Variants in MAP4K3 observed in about 807,000 individuals in gnomAD.
MAP4K3 encodes the protein MAPK/ERK kinase kinase kinase 3.
MAP4K3 carries 94 observed loss-of-function variants against 143.5 expected under a neutral mutation model. That is an observed-to-expected ratio of 0.65 (90% CI 0.55 to 0.78). The LOEUF (loss-of-function observed/expected upper bound fraction) is 0.78, where lower values mean the gene tolerates loss of function less well. Ranked by LOEUF, MAP4K3 falls within the 30% of genes least tolerant of loss-of-function variation. The pLI, the probability that MAP4K3 is intolerant of heterozygous loss-of-function variation, is 0.00. For missense variants in MAP4K3, 1,077 were observed against 1,068.1 expected, an observed-to-expected ratio of 1.01 and a Z score of -0.12; for synonymous variants, 416 against 347.2, an observed-to-expected ratio of 1.20 and a Z score of -2.20.
rs1346657032 is a variant in MAP4K3, at chr2:39,371,802, C to CCT, written c.154+6262_154+6263dup. Among the ~76,000 whole-genome samples, 23 of 151,054 alleles carry CCT rather than the reference C, an allele frequency of 1.5e-4. No individual in the cohort carries two copies. The East Asian group carries it at 2.1e-3, about 14-fold the overall frequency. On this transcript the variant is annotated intron_variant, in intron 2 of 33. Coordinates refer to ENST00000263881, the MANE Select transcript of MAP4K3 (RefSeq NM_003618.4). ...GCTAAGAAGGTCACTACATATATATCCTCTCTCTCTATATATATATATGTA... is the reference window on the plus strand; with the variant it reads ...GCTAAGAAGGTCACTACATATATATCCTCTCTCTCTCTATATATATATATGTA...
At chr2:39,339,157 G>C (rs1258137532) in intron 4 of MAP4K3, among the ~76,000 whole-genome samples, 1 of 152,108 alleles carries the variant, frequency 6.6e-6, no homozygotes, top group African/African-American at 2.4e-5. Context: ...GTTTAGTTTG[G>C]AGTACTTGTG....
chr2:39,386,042 A>AC (rs1418930042), intron 1 of MAP4K3, among the ~76,000 whole-genome samples: 1 of 152,156 alleles, frequency 6.6e-6, no homozygotes, highest in Non-Finnish European at 1.5e-5. Flanking sequence ...TGAAGTCCCA[A>AC]CCCCCAGCAC....
chr2:39,299,886 T>TA (rs1437118051), intron 15 of MAP4K3, 85 bp from the exon 16 acceptor site: 1 of 505,514 alleles, frequency 2.0e-6, no homozygotes, highest in Non-Finnish European at 3.3e-6. Context: ...ATATTATTTT[T>TA]AAAAGATAAG....
chr2:39,383,140 G>A (rs1204154685), intron 1 of MAP4K3, among the ~76,000 whole-genome samples: 1 of 152,174 alleles, frequency 6.6e-6, no homozygotes, highest in African/African-American at 2.4e-5. Flanking sequence ...ATTAGACTAG[G>A]TGTATTAGTT....
chr2:39,376,588 C>T (rs1666224905), intron 2 of MAP4K3, among the ~76,000 whole-genome samples: 1 of 152,020 alleles, frequency 6.6e-6, no homozygotes, highest in African/African-American at 2.4e-5. Context: ...AAGCTCAGTG[C>T]TGGGGGCACA....
chr2:39,419,460 T>C (rs1245637142), intron 1 of MAP4K3, among the ~76,000 whole-genome samples: 1 of 152,176 alleles, frequency 6.6e-6, no homozygotes, highest in African/African-American at 2.4e-5. Flanking sequence ...AAATATTGCA[T>C]CATAGCGCGA....
chr2:39,425,424 T>A (rs762352206), intron 1 of MAP4K3, among the ~76,000 whole-genome samples: 3 of 152,170 alleles, frequency 2.0e-5, no homozygotes, highest in Non-Finnish European at 4.4e-5. Context: ...AAAATCCACA[T>A]GTTGAAGACC....
At chr2:39,429,445 C>G (rs1276432620) in intron 1 of MAP4K3, among the ~76,000 whole-genome samples, 1 of 152,120 alleles carries the variant, frequency 6.6e-6, no homozygotes, top group Non-Finnish European at 1.5e-5. Context: ...TATAAAATAT[C>G]ACAAAATTAT....
chr2:39,272,498 G>C lies in MAP4K3; in HGVS notation c.1839C>G (p.Cys613Trp). ...TATACTTACCAGATATTGATAGCAA[G>C]CAATTGTTCATTACATACAACCATG... Reference protein sequence around the residue: ...RCTWLYVMNNCLLSISGKASQ... With the variant: ...RCTWLYVMNNWLLSISGKASQ... The change falls in exon 25 of 34, where the codon TGC becomes TGG. Residue 613 changes from cysteine to tryptophan, a missense_variant. This residue lies in a region of MAP4K3 where 864 missense variants were observed against 801.2 expected (regional missense o/e 1.08). Transcript: ENST00000263881. 3 of 1,613,092 alleles carry C rather than the reference G, an allele frequency of 1.9e-6. No homozygotes were observed. Among genetic ancestry groups the C allele is most frequent in the Non-Finnish European group, 1.7e-6 (2 of 1,179,366 alleles).
At chr2:39,338,212 A>G (rs913527873) in intron 4 of MAP4K3, among the ~76,000 whole-genome samples, 4 of 152,198 alleles carry the variant, frequency 2.6e-5, no homozygotes, top group South Asian at 4.1e-4. Flanking sequence ...TCTCATTTTT[A>G]TATCTCATTC....
chr2:39,359,323 C>T (rs1402912093), intron 2 of MAP4K3, among the ~76,000 whole-genome samples: 1 of 152,196 alleles, frequency 6.6e-6, no homozygotes, highest in Non-Finnish European at 1.5e-5. Flanking sequence ...CTCCATGTCT[C>T]ACATCCAGGT....
chr2:39,260,755 C>T lies in MAP4K3; in HGVS notation c.2159G>A (p.Cys720Tyr). ...LIKHIDFPIPCPLRMFEMLVV... is the reference protein window; with the variant it reads ...LIKHIDFPIPYPLRMFEMLVV... ...CAGCATTTCAAACATTCTAAGTGGACATGGTATAGGAAAATCTATGTGCTA... is the reference window on the plus strand; with the variant it reads ...CAGCATTTCAAACATTCTAAGTGGATATGGTATAGGAAAATCTATGTGCTA... The change falls in exon 29 of 34, where the codon TGT (cysteine) becomes TAT (tyrosine). Residue 720 changes from cysteine (C) to tyrosine (Y), a missense_variant. Cys to Tyr is a radical substitution (Grantham distance 194). Coordinates refer to ENST00000263881, the MANE Select transcript of MAP4K3 (RefSeq NM_003618.4). 6.2e-7 allele frequency: 1 copy of T among 1,612,570 alleles called. No homozygotes were observed. Among genetic ancestry groups the T allele is most frequent in the Middle Eastern group, 1.7e-4 (1 of 6,060 alleles).
At chr2:39,419,150 A>C (rs950087400) in intron 1 of MAP4K3, among the ~76,000 whole-genome samples, 5 of 152,186 alleles carry the variant, frequency 3.3e-5, no homozygotes, top group African/African-American at 9.6e-5. Context: ...GTATGAACTT[A>C]AAAAGATAAG....
intron 22 of MAP4K3, among the ~76,000 whole-genome samples, chr2:39,280,634 T>C (rs1481857464): frequency 1.3e-5 from 2 of 151,902 alleles, no homozygotes; most frequent in Non-Finnish European, 2.9e-5. Context: ...AAAGCAATAA[T>C]AGGAACCAAT....
intron 12 of MAP4K3, among the ~76,000 whole-genome samples, chr2:39,322,675 G>GT (rs1209879285): frequency 0.011 from 1,472 of 133,444 alleles, 25 homozygotes; most frequent in African/African-American, 0.033. Flanking sequence ...TCTATTTTTT[G>GT]TTTTTTTTTT....
intron 18 of MAP4K3, among the ~76,000 whole-genome samples, chr2:39,292,387 T>C (rs968464602): frequency 8.5e-5 from 13 of 152,186 alleles, no homozygotes; most frequent in African/African-American, 2.4e-4. Flanking sequence ...ATCCTATGGA[T>C]TGGTGATCTT....
intron 12 of MAP4K3, among the ~76,000 whole-genome samples, chr2:39,316,079 C>T (rs1467653307): frequency 2.0e-5 from 3 of 151,978 alleles, no homozygotes; most frequent in African/African-American, 7.2e-5. Flanking sequence ...ATGCTCTCCA[C>T]TCCATCTCAG....
chr2:39,405,764 A>T (rs118066387), intron 1 of MAP4K3, among the ~76,000 whole-genome samples: 1 of 152,186 alleles, frequency 6.6e-6, no homozygotes, highest in East Asian at 1.9e-4. Flanking sequence ...TCTACGTGGG[A>T]GGCTGAGGTG....
chr2:39,367,584 A>G (rs1053496890), intron 2 of MAP4K3, among the ~76,000 whole-genome samples: 4 of 151,244 alleles, frequency 2.6e-5, no homozygotes, highest in Non-Finnish European at 5.9e-5. Flanking sequence ...AAAGAAAGAA[A>G]CCATGGCCCT....
Sources: gnomAD v4.1 joint callset for allele counts (sites outside exome capture counted in the v4.1 genomes callset) on GRCh38, gnomAD v4.1.1 for gene constraint, gnomAD v4.1.1 regional missense constraint, MANE v1.5 for transcripts, NCBI Gene and HGNC (gene_info 2026-07-23, HGNC 2026-07-21) for gene names.